Variants in AMMECR1L observed in about 807,000 individuals in gnomAD.
The protein encoded by AMMECR1L is AMMECR1-like protein.
AMMECR1L carries 4 observed loss-of-function variants against 36.8 expected under a neutral mutation model. That is an observed-to-expected ratio of 0.11 (90% CI 0.05 to 0.25). The LOEUF (loss-of-function observed/expected upper bound fraction) is 0.25. AMMECR1L is among the 10% of genes least tolerant of loss of function. AMMECR1L has a pLI of 1.00. For synonymous variants in AMMECR1L, 147 were observed against 148.0 expected (o/e 0.99, Z 0.05); for missense variants, 232 against 392.1 (o/e 0.59, Z 3.45).
At position 127,880,345 on chromosome 2, in the gene AMMECR1L, C is replaced by T. The variant is rs1691435257; in HGVS notation, c.-39+3858G>A. On this transcript the variant is annotated intron_variant, in intron 2 of 7. Coordinates refer to ENST00000272647, the MANE Select transcript of AMMECR1L (RefSeq NM_001199140.2). Reference sequence around the variant, plus strand: ...AAGCTAGTTAAAACTAGGTTTCCACCAGATGGAAACAATACTCATACCTCA... The same window carrying T: ...AAGCTAGTTAAAACTAGGTTTCCACTAGATGGAAACAATACTCATACCTCA... Among the ~76,000 whole-genome samples the T allele has an allele frequency of 4.6e-5, 7 of 152,134 alleles. No individual in the cohort carries two copies. The South Asian group carries it at 1.5e-3, about 32-fold the overall frequency.
Position 127,885,175 on chromosome 2 carries a change from G to C in AMMECR1L, c.-149+635C>G, listed in dbSNP as rs547822606. On this transcript the variant is annotated intron_variant, in intron 1 of 7. Coordinates refer to ENST00000272647, the MANE Select transcript of AMMECR1L (RefSeq NM_001199140.2). ...GAGGTTAAGGAAGGAGGGCCCAAGAGTAGGGGTGCGAAAAAGAGAAGAGGA... is the reference window on the plus strand; with the variant it reads ...GAGGTTAAGGAAGGAGGGCCCAAGACTAGGGGTGCGAAAAAGAGAAGAGGA... The C allele has an allele frequency of 3.0e-6, 3 of 985,276 alleles. No homozygotes were observed. The East Asian group carries it at 3.4e-4, about 112-fold the overall frequency. The allele number at this position is 985,276 out of a possible 1,614,324, so 61.0% of individuals were successfully genotyped here.
At chr2:127,877,420 C>T (rs1691298864) in intron 2 of AMMECR1L, among the ~76,000 whole-genome samples, 1 of 151,586 alleles carries the variant, frequency 6.6e-6, no homozygotes. Flanking sequence ...ACTGCAACCT[C>T]TGCCTCCCAG....
In AMMECR1L at chr2:127,866,923, G is replaced by A; in HGVS notation, c.798C>T (p.Phe266=). ...ACCTGGTGAGTTTGATCGTTTTTCT[G>A]AATTCACTGGTAATTGGAGCTTTAA... ...GGFKAPITSE[F]RKTIKLTRYR... is the part of the protein sequence containing the mutation. The change falls in exon 7 of 8, where the codon TTC becomes TTT. Residue 266 remains phenylalanine (F), a synonymous_variant. Coordinates refer to ENST00000272647, the MANE Select transcript of AMMECR1L (RefSeq NM_001199140.2). The A allele has an allele frequency of 1.9e-6, 3 of 1,614,208 alleles. No homozygotes were observed. The highest frequency in any genetic ancestry group is 2.5e-6 in the Non-Finnish European group (3 of 1,180,014).
rs1186351649 is a variant in AMMECR1L at position 127,869,211 on chromosome 2, A to G, written c.724+243T>C. Among the ~76,000 whole-genome samples the G allele has an allele frequency of 1.3e-5, 2 of 152,236 alleles. No homozygotes were observed. Among genetic ancestry groups the G allele is most frequent in the Non-Finnish European group, 2.9e-5 (2 of 68,046 alleles). ...GGCTAAGAAATAAAACTATTCATTG[A>G]AAAGAAGTGTTTGAAATATCAGGCG... is the stretch of plus-strand genomic sequence containing the variant. On this transcript the variant is annotated intron_variant, in intron 6 of 7. Transcript: ENST00000272647. The surrounding 1 kb of genome is among the most constrained non-coding windows in gnomAD (Gnocchi z 4.7).
Position 127,873,361 on chromosome 2 carries a change from C to A in AMMECR1L, c.407+467G>T. The A allele has an allele frequency of 1.0e-6, 1 of 985,394 alleles. No homozygotes were observed. The highest frequency in any genetic ancestry group is 1.2e-6 in the Non-Finnish European group (1 of 829,938). The allele number at this position is 985,394 out of a possible 1,614,324, so 61.0% of individuals were successfully genotyped here. ...GATGTGAGTGGCCCTACAGGTTTAC[C>A]AAGGGATTTCTCATGAACAAAGTGA... is the stretch of plus-strand genomic sequence containing the variant. On this transcript the variant is annotated intron_variant, in intron 3 of 7. Transcript: ENST00000272647. This position sits in a 1 kb window ranked among gnomAD's most constrained non-coding sequence, Gnocchi z 5.2.
chr2:127,880,420 C>G (rs889375607), intron 2 of AMMECR1L, among the ~76,000 whole-genome samples: 1 of 152,154 alleles, frequency 6.6e-6, no homozygotes, highest in South Asian at 2.1e-4. Context: ...CTCTTAAGAC[C>G]TCCTAACCTT....
At chr2:127,883,287 G>A (rs573981069) in intron 2 of AMMECR1L, among the ~76,000 whole-genome samples, 15 of 151,814 alleles carry the variant, frequency 9.9e-5, no homozygotes, top group Non-Finnish European at 1.3e-4. Context: ...CAGTAGAGAC[G>A]GGGTTTCACC....
In AMMECR1L at chr2:127,863,111, G is replaced by A. The variant is rs1053661781; in HGVS notation, c.*1983C>T. 4.6e-5 allele frequency: 7 copies of A among 152,554 alleles called. No homozygotes were observed. The highest frequency in any genetic ancestry group is 1.4e-4 in the African/African-American group (6 of 41,420). The allele number at this position is 152,554 out of a possible 1,614,324, so 9.5% of individuals were successfully genotyped here. On this transcript the variant is annotated 3_prime_UTR_variant, in exon 8 of 8. Transcript: ENST00000272647. ...ATAGAACACTTGAACAGTAATGAGT[G>A]TAGCCCTATGTATCAATACTGTTGT... is the stretch of plus-strand genomic sequence containing the variant.
intron 6 of AMMECR1L, 24 bp from the exon 7 acceptor site, chr2:127,867,020 G>A (rs747018033): frequency 6.2e-7 from 1 of 1,613,252 alleles, no homozygotes; most frequent in African/African-American, 1.3e-5. Context: ...AGGCCACACT[G>A]AGGTCAATGC....
chr2:127,866,643 T>A (rs1690696231), intron 7 of AMMECR1L, among the ~76,000 whole-genome samples: 1 of 152,174 alleles, frequency 6.6e-6, no homozygotes, highest in South Asian at 2.1e-4. Flanking sequence ...ACCACGTGGG[T>A]CTGGCAAAGC....
At chr2:127,877,133 T>C (rs899027566) in intron 2 of AMMECR1L, among the ~76,000 whole-genome samples, 1 of 151,700 alleles carries the variant, frequency 6.6e-6, no homozygotes, top group Admixed American at 6.6e-5. Flanking sequence ...ATCTGGGTTC[T>C]TGTTCCACTG....
Position 127,863,900 on chromosome 2 carries a change from A to G in AMMECR1L, c.*1194T>C, listed in dbSNP as rs1480597253. On this transcript the variant is annotated 3_prime_UTR_variant, in exon 8 of 8. Coordinates refer to ENST00000272647, the MANE Select transcript of AMMECR1L (RefSeq NM_001199140.2). ...GGGAAATATGTCACATGAAAGTTTG[A>G]AAGACCTAGAATAAAATGAGCTATT... is the stretch of plus-strand genomic sequence containing the variant. 2 of 152,402 alleles carry G rather than the reference A, an allele frequency of 1.3e-5. No individual in the cohort carries two copies. The highest frequency in any genetic ancestry group is 4.8e-5 in the African/African-American group (2 of 41,478). The allele number at this position is 152,402 out of a possible 1,614,324, so 9.4% of individuals were successfully genotyped here.
In AMMECR1L at chr2:127,884,243, C is replaced by T. The variant is rs1048342346; in HGVS notation, c.-79G>A. ...TGTATTGCCAGAGGAACAGCTACAA[C>T]AGAGGAGGGGAGCTATTTTGTCTCT... On this transcript the variant is annotated 5_prime_UTR_variant, in exon 2 of 8. Transcript: ENST00000272647. The T allele has an allele frequency of 1.3e-5, 2 of 152,196 alleles. No individual in the cohort carries two copies. Among genetic ancestry groups the T allele is most frequent in the African/African-American group, 4.8e-5 (2 of 41,440 alleles). 9.4% of individuals were successfully genotyped at this position (152,196 alleles called of 1,614,324 possible). A position where few individuals can be genotyped will look rare whatever the true frequency, so the allele number is the denominator to read the frequency against.
chr2:127,885,497 C>G, intron 1 of AMMECR1L: 1 of 983,942 alleles, frequency 1.0e-6, no homozygotes, highest in Non-Finnish European at 1.2e-6. Context: ...GAGCCTGCTT[C>G]CTGGAGGGAG....
chr2:127,875,465 A>G (rs1272202150), intron 2 of AMMECR1L, among the ~76,000 whole-genome samples: 3 of 152,184 alleles, frequency 2.0e-5, no homozygotes, highest in Admixed American at 6.5e-5. Flanking sequence ...GACATGTCAT[A>G]TAATTATCTT....
At chr2:127,867,190 G>T in intron 6 of AMMECR1L, 194 bp from the exon 7 acceptor site, 2 of 985,494 alleles carry the variant, frequency 2.0e-6, no homozygotes, top group Non-Finnish European at 2.4e-6. Flanking sequence ...TCTGAGACAT[G>T]AGATGATAGC....
intron 3 of AMMECR1L, among the ~76,000 whole-genome samples, chr2:127,872,297 C>G (rs917723106): frequency 1.3e-5 from 2 of 151,956 alleles, no homozygotes; most frequent in Non-Finnish European, 2.9e-5. Flanking sequence ...CTCAGCCTCC[C>G]GAAGTGCTGA....
intron 2 of AMMECR1L, among the ~76,000 whole-genome samples, chr2:127,880,033 G>A (rs1204499467): frequency 6.6e-6 from 1 of 152,144 alleles, no homozygotes; most frequent in East Asian, 1.9e-4. Context: ...CCAGGCGCAG[G>A]AGCTCACGCC....
chr2:127,873,334 G>A lies in AMMECR1L; in HGVS notation c.407+494C>T. On this transcript the variant is annotated intron_variant, in intron 3 of 7. Coordinates refer to ENST00000272647, the MANE Select transcript of AMMECR1L (RefSeq NM_001199140.2). This position sits in a 1 kb window ranked among gnomAD's most constrained non-coding sequence, Gnocchi z 5.2. ...CTGAAGCAGATTCTGACTTCTTGAT[G>A]GGATGTGAGTGGCCCTACAGGTTTA... The A allele has an allele frequency of 1.0e-6, 1 of 985,450 alleles. No individual in the cohort carries two copies. Among genetic ancestry groups the A allele is most frequent in the Non-Finnish European group, 1.2e-6 (1 of 829,932 alleles). The allele number at this position is 985,450 out of a possible 1,614,324, so 61.0% of individuals were successfully genotyped here. A position where few individuals can be genotyped will look rare whatever the true frequency, so the allele number is the denominator to read the frequency against.
Sources: allele counts gnomAD v4.1 joint callset (sites outside exome capture counted in the v4.1 genomes callset), GRCh38; gene constraint gnomAD v4.1.1; non-coding constraint Gnocchi (gnomAD v3.1); transcripts MANE v1.5; gene names NCBI Gene and HGNC (gene_info 2026-07-23, HGNC 2026-07-21).